The following PAPOLA variants were observed in gnomAD, a reference collection of about 807,000 sequenced individuals.
PAPOLA encodes the protein polynucleotide adenylyltransferase alpha.
In PAPOLA, 15 loss-of-function variants were observed where a neutral mutation model predicts 100.6. The ratio of observed to expected loss-of-function variants is 0.15; its 90% CI spans 0.10 to 0.23. PAPOLA has a LOEUF of 0.23. Among genes scored for constraint, PAPOLA ranks in the 10% least tolerant of loss-of-function variants. The probability of loss-of-function intolerance (pLI) is 1.00; values close to 1 mark genes in which losing one functional copy is unlikely to be tolerated. For synonymous variants in PAPOLA, 293 were observed against 300.0 expected (o/e 0.98, Z 0.24); for missense variants, 533 against 884.2 (o/e 0.60, Z 5.04).
In PAPOLA at chr14:96,566,789, G is replaced by T. The variant is rs1902307861; in HGVS notation, c.*1739G>T. The T allele has an allele frequency of 6.6e-6, 1 of 152,526 alleles. No individual in the cohort carries two copies. The allele number at this position is 152,526 out of a possible 1,614,324, so 9.4% of individuals were successfully genotyped here. A position where few individuals can be genotyped will look rare whatever the true frequency, so the allele number is the denominator to read the frequency against. On this transcript the variant is annotated 3_prime_UTR_variant, in exon 22 of 22. Coordinates refer to ENST00000216277, the MANE Select transcript of PAPOLA (RefSeq NM_032632.5). ...TGTGTTTTGTGTAGCTTCAGAGTTA[G>T]ATTGAAATTACCAGGCACAGATTTA...
intron 1 of PAPOLA, among the ~76,000 whole-genome samples, chr14:96,516,015 A>T (rs567485341): frequency 1.3e-5 from 2 of 152,178 alleles, no homozygotes; most frequent in Non-Finnish European, 2.9e-5. Flanking sequence ...TTATGTTCCA[A>T]ATTGCCCAAT....
At chr14:96,550,591 A>G (rs898721493) in intron 16 of PAPOLA, among the ~76,000 whole-genome samples, 3 of 152,186 alleles carry the variant, frequency 2.0e-5, no homozygotes, top group Admixed American at 1.3e-4. Context: ...TACCACATAC[A>G]TATTTTTAAA....
intron 2 of PAPOLA, among the ~76,000 whole-genome samples, 155 bp downstream of exon 2, chr14:96,520,383 C>G (rs1485918542): frequency 8.6e-5 from 13 of 151,936 alleles, no homozygotes; most frequent in Admixed American, 2.6e-4. Flanking sequence ...AGAGAGAAAA[C>G]TTTTTGTTTT....
rs774440628 is a variant in PAPOLA at position 96,556,383 on chromosome 14, A to G, written c.1974A>G (p.Glu658=). The change falls in exon 19 of 22, where the codon GAA becomes GAG. Residue 658 remains glutamate, a synonymous_variant. Transcript: ENST00000216277. Reference sequence around the variant, plus strand: ...AGAGGACATCCTCACCTCATAAAGAAGAGAGTCCCAAGAAAACCAAAACAG... The same window carrying G: ...AGAGGACATCCTCACCTCATAAAGAGGAGAGTCCCAAGAAAACCAAAACAG... ...GVKRTSSPHK[E]ESPKKTKTEE... 1 of 1,613,544 alleles carries G rather than the reference A, an allele frequency of 6.2e-7. No individual in the cohort carries two copies. Among genetic ancestry groups the G allele is most frequent in the Non-Finnish European group, 8.5e-7 (1 of 1,179,468 alleles).
chr14:96,556,133 T>A lies in PAPOLA; in HGVS notation c.1766-42T>A, dbSNP rs375871555. The stretch of plus-strand genomic sequence containing the variant: ...AAAAACTTACAACTTGATACTGATT[T>A]GGTTATTTTAATTTGTATATACTCA... On this transcript the variant is annotated intron_variant, in intron 18 of 21. Transcript: ENST00000216277. 14 of 1,469,320 alleles carry A rather than the reference T, an allele frequency of 9.5e-6. No homozygotes were observed. In the African/African-American group the frequency reaches 1.8e-4, roughly 19 times the overall value. 91.0% of individuals were successfully genotyped at this position (1,469,320 alleles called of 1,614,324 possible).
chr14:96,557,240 A>G (rs1311337029), intron 19 of PAPOLA, among the ~76,000 whole-genome samples: 5 of 152,158 alleles, frequency 3.3e-5, no homozygotes, highest in Non-Finnish European at 7.4e-5. Flanking sequence ...TTGTAAAGAC[A>G]GAGTCTTGCT....
chr14:96,552,616 C>G lies in PAPOLA; in HGVS notation c.1658C>G (p.Ser553Cys). The G allele has an allele frequency of 6.2e-7, 1 of 1,612,086 alleles. No homozygotes were observed. Among genetic ancestry groups the G allele is most frequent in the Non-Finnish European group, 8.5e-7 (1 of 1,179,278 alleles). The change falls in exon 17 of 22, where the codon TCT becomes TGT. Residue 553 changes from serine (S) to cysteine (C), a missense_variant. Ser to Cys is a moderately radical substitution (Grantham distance 112). This residue lies in a region of PAPOLA where 242 missense variants were observed against 281.0 expected (regional missense o/e 0.86). Coordinates refer to ENST00000216277, the MANE Select transcript of PAPOLA (RefSeq NM_032632.5). ...KTSPLNSSGS[S>C]QGRNSPAPAV... ...AGTCCATTGAACAGTTCTGGCAGCT[C>G]TCAGGGGTAAGGAAAAAGAGGGAAA... is the stretch of plus-strand genomic sequence containing the variant.
At chr14:96,546,105 C>T (rs1002008509) in intron 15 of PAPOLA, among the ~76,000 whole-genome samples, 4 of 152,092 alleles carry the variant, frequency 2.6e-5, no homozygotes, top group Non-Finnish European at 4.4e-5. Flanking sequence ...AATGTTCACT[C>T]CCAACCCCTA....
chr14:96,524,846 T>A (rs1180355667), intron 3 of PAPOLA, among the ~76,000 whole-genome samples: 2 of 152,188 alleles, frequency 1.3e-5, no homozygotes, highest in African/African-American at 4.8e-5. Context: ...TCACTTTTGA[T>A]ATGATAAAAA....
chr14:96,523,725 A>G (rs1242841868), intron 3 of PAPOLA, among the ~76,000 whole-genome samples: 3 of 152,196 alleles, frequency 2.0e-5, no homozygotes, highest in Admixed American at 6.5e-5. Flanking sequence ...TGGGCTTATC[A>G]CGAGGTCAAG....
chr14:96,526,157 G>C (rs1023514521), intron 4 of PAPOLA: 1 of 152,136 alleles, frequency 6.6e-6, no homozygotes, highest in African/African-American at 2.4e-5. Flanking sequence ...TGTTACCTCG[G>C]CAAAGAACAT....
chr14:96,504,405 G>A (rs139861274), intron 1 of PAPOLA: 1 of 152,240 alleles, frequency 6.6e-6, no homozygotes, highest in Non-Finnish European at 1.5e-5. Flanking sequence ...GTTCAAGTGT[G>A]TAAAATGGAA....
intron 1 of PAPOLA, among the ~76,000 whole-genome samples, chr14:96,503,722 A>G (rs1896506655): frequency 6.6e-6 from 1 of 152,116 alleles, no homozygotes; most frequent in African/African-American, 2.4e-5. Context: ...GTTTCTAGAC[A>G]TCGAATGTAG....
At chr14:96,504,993 G>A (rs1479901906) in intron 1 of PAPOLA, among the ~76,000 whole-genome samples, 1 of 152,156 alleles carries the variant, frequency 6.6e-6, no homozygotes, top group South Asian at 2.1e-4. Context: ...CGAAATTTAG[G>A]ATATTACAGA....
chr14:96,509,178 C>T (rs551198522), intron 1 of PAPOLA, among the ~76,000 whole-genome samples: 3 of 152,230 alleles, frequency 2.0e-5, no homozygotes, highest in South Asian at 4.2e-4. Context: ...ACTACAGGCA[C>T]GCACCACCAT....
intron 1 of PAPOLA, among the ~76,000 whole-genome samples, chr14:96,511,886 A>G (rs1897130700): frequency 1.3e-5 from 2 of 152,212 alleles, no homozygotes; most frequent in African/African-American, 2.4e-5. Flanking sequence ...TGGATTTACT[A>G]TTTCTAGCCA....
intron 19 of PAPOLA, among the ~76,000 whole-genome samples, chr14:96,557,451 A>T (rs1901435449): frequency 6.6e-6 from 1 of 152,082 alleles, no homozygotes; most frequent in African/African-American, 2.4e-5. Context: ...CTTAAAATAG[A>T]GGTAGTCTTG....
At chr14:96,509,481 A>G (rs12147170) in intron 1 of PAPOLA, among the ~76,000 whole-genome samples, 17,006 of 152,328 alleles carry the variant, frequency 0.11, 1,038 homozygotes, top group South Asian at 0.17. Flanking sequence ...TACTTGTAGT[A>G]TACACAGAAT....
In PAPOLA at chr14:96,502,423, A is replaced by G; in HGVS notation, c.-170A>G. 1 of 703,756 alleles carries G rather than the reference A, an allele frequency of 1.4e-6. No individual in the cohort carries two copies. Among genetic ancestry groups the G allele is most frequent in the Non-Finnish European group, 2.6e-6 (1 of 385,576 alleles). 43.6% of individuals were successfully genotyped at this position (703,756 alleles called of 1,614,324 possible). A position where few individuals can be genotyped will look rare whatever the true frequency, so the allele number is the denominator to read the frequency against. On this transcript the variant is annotated 5_prime_UTR_variant, in exon 1 of 22. Coordinates refer to ENST00000216277, the MANE Select transcript of PAPOLA (RefSeq NM_032632.5). Reference sequence around the variant, plus strand: ...AGCGCTCGGGCGCCATGTTAGGACGAAGGGGAAGGAGGAGAAGCGCTTAAA... The same window carrying G: ...AGCGCTCGGGCGCCATGTTAGGACGGAGGGGAAGGAGGAGAAGCGCTTAAA...
Sources: gnomAD v4.1 joint callset for allele counts (sites outside exome capture counted in the v4.1 genomes callset) on GRCh38, gnomAD v4.1.1 for gene constraint, gnomAD v4.1.1 regional missense constraint, MANE v1.5 for transcripts, NCBI Gene and HGNC (gene_info 2026-07-23, HGNC 2026-07-21) for gene names.